The following FIBCD1 variants were observed in gnomAD, a reference collection of about 807,000 sequenced individuals.
The protein encoded by FIBCD1 is fibrinogen C domain containing 1.
FIBCD1 carries 47 observed loss-of-function variants against 45.1 expected under a neutral mutation model. The observed-to-expected ratio is 1.04, with a 90% CI of 0.82 to 1.33. The LOEUF is 1.33. Among genes scored for constraint, FIBCD1 ranks in the 40% most tolerant of loss-of-function variants. The pLI, the probability that FIBCD1 is intolerant of heterozygous loss-of-function variation, is 0.00. For synonymous variants in FIBCD1, 313 were observed against 308.1 expected, an observed-to-expected ratio of 1.02 and a Z score of -0.17; for missense variants, 653 against 682.2, an observed-to-expected ratio of 0.96 and a Z score of 0.48.
At chr9:130,936,532 G>A (rs1832523043) in intron 1 of FIBCD1, among the ~76,000 whole-genome samples, 1 of 152,254 alleles carries the variant, frequency 6.6e-6, no homozygotes, top group African/African-American at 2.4e-5. Flanking sequence ...GGCTGTGTGG[G>A]GGCTGAAAGC....
At chr9:130,923,634 A>G in intron 4 of FIBCD1, 110 bp downstream of exon 4, 1 of 1,478,422 alleles carries the variant, frequency 6.8e-7, no homozygotes, top group Non-Finnish European at 9.1e-7. Context: ...CAGTCCACAG[A>G]TCCATGGTGG....
At chr9:130,921,096 G>GT (rs1832253151) in intron 4 of FIBCD1, among the ~76,000 whole-genome samples, 1 of 152,184 alleles carries the variant, frequency 6.6e-6, no homozygotes, top group Admixed American at 6.5e-5. Context: ...GAACTGTAAA[G>GT]TGGCCCTGGG....
intron 4 of FIBCD1, among the ~76,000 whole-genome samples, chr9:130,918,782 G>C (rs946075393): frequency 6.6e-6 from 1 of 152,216 alleles, no homozygotes; most frequent in Non-Finnish European, 1.5e-5. Flanking sequence ...AGGCAGAGCT[G>C]AGTTCAAATC....
At chr9:130,929,533 C>A in intron 2 of FIBCD1, 34 bp downstream of exon 2, 1 of 1,488,718 alleles carries the variant, frequency 6.7e-7, no homozygotes. Context: ...CCCTCGCCTC[C>A]AGCAAGACCC....
chr9:130,912,392 CAAAAAAAAAAAA>C (rs61490832), intron 4 of FIBCD1, among the ~76,000 whole-genome samples: 19 of 75,716 alleles, frequency 2.5e-4, no homozygotes, highest in Admixed American at 8.9e-4. Context: ...GGCTCTCTCT[CAAAAAAAAAAAA>C]AAAAAAAAAA....
At chr9:130,932,366 T>C (rs1444710317) in intron 1 of FIBCD1, among the ~76,000 whole-genome samples, 1 of 152,114 alleles carries the variant, frequency 6.6e-6, no homozygotes, top group Non-Finnish European at 1.5e-5. Flanking sequence ...GAGAGTTTCT[T>C]GGCCTGTCCC....
intron 5 of FIBCD1, among the ~76,000 whole-genome samples, chr9:130,911,464 C>T (rs1325907758): frequency 6.6e-6 from 1 of 152,218 alleles, no homozygotes; most frequent in African/African-American, 2.4e-5. Flanking sequence ...TGGGATGCTG[C>T]TGACCACCTG....
chr9:130,931,769 T>A (rs1326906752), intron 1 of FIBCD1, among the ~76,000 whole-genome samples: 1 of 152,220 alleles, frequency 6.6e-6, no homozygotes, highest in Non-Finnish European at 1.5e-5. Context: ...AAAGCAGAAC[T>A]GGGATTAGGC....
At position 130,919,224 on chromosome 9, in the gene FIBCD1, C is replaced by G. The variant is rs146541817; in HGVS notation, c.849+4520G>C. 2.8e-3 allele frequency among the ~76,000 whole-genome samples: 420 copies of G among 152,328 alleles called. 2 individuals carry two copies. Among genetic ancestry groups the G allele is most frequent in the South Asian group, 6.0e-3 (29 of 4,818 alleles). On this transcript the variant is annotated intron_variant, in intron 4 of 6. Coordinates refer to ENST00000372338, the MANE Select transcript of FIBCD1 (RefSeq NM_032843.5). Reference sequence around the variant, plus strand: ...CCCACGGAGGCACGCTTTCTTTGCACGATGAACGAAGGAAATGTGAGGGTG... The same window carrying G: ...CCCACGGAGGCACGCTTTCTTTGCAGGATGAACGAAGGAAATGTGAGGGTG...
intron 4 of FIBCD1, among the ~76,000 whole-genome samples, chr9:130,912,752 G>A (rs935603059): frequency 1.3e-5 from 2 of 151,230 alleles, no homozygotes; most frequent in South Asian, 2.1e-4. Context: ...GCCGGCTTTG[G>A]GGGCATCTCC....
chr9:130,923,190 C>A (rs1034323478), intron 4 of FIBCD1, among the ~76,000 whole-genome samples: 1 of 152,212 alleles, frequency 6.6e-6, no homozygotes, highest in East Asian at 1.9e-4. Flanking sequence ...TCTGTGGTCC[C>A]GCCCCTGCCC....
chr9:130,907,333 C>T (rs1052144513), intron 5 of FIBCD1, among the ~76,000 whole-genome samples: 3 of 152,212 alleles, frequency 2.0e-5, no homozygotes, highest in Non-Finnish European at 2.9e-5. Context: ...CTCCCTCCCT[C>T]GCCTCCCTGC....
At chr9:130,914,276 G>A (rs534333079) in intron 4 of FIBCD1, among the ~76,000 whole-genome samples, 3 of 152,282 alleles carry the variant, frequency 2.0e-5, no homozygotes, top group South Asian at 4.1e-4. Flanking sequence ...ATGTTCCACC[G>A]AGCATCTCCT....
Position 130,929,966 on chromosome 9 carries a change from C to A in FIBCD1, c.153G>T (p.Val51=), listed in dbSNP as rs1189416334. Residue 51 remains valine (V), a synonymous_variant, in exon 2 of 7, where the codon GTG becomes GTT. Coordinates refer to ENST00000372338, the MANE Select transcript of FIBCD1 (RefSeq NM_032843.5). ...GCGCGTGGGCGTGGTTCAGGAAGAGCACGGCACCGGTGACAGCTACAGCCA... is the reference window on the plus strand; with the variant it reads ...GCGCGTGGGCGTGGTTCAGGAAGAGAACGGCACCGGTGACAGCTACAGCCA... ...VLLAVAVTGA[V]LFLNHAHAPG... The A allele has an allele frequency of 1.3e-6, 2 of 1,548,330 alleles. No individual in the cohort carries two copies. Among genetic ancestry groups the A allele is most frequent in the African/African-American group, 1.4e-5 (1 of 73,214 alleles).
At chr9:130,911,751 G>A in intron 5 of FIBCD1, 41 bp downstream of exon 5, 2 of 1,546,570 alleles carry the variant, frequency 1.3e-6, no homozygotes, top group South Asian at 1.2e-5. Flanking sequence ...AAGGCAGGGG[G>A]AGGAGGCCCA....
At chr9:130,935,422 C>T (rs542114531) in intron 1 of FIBCD1, among the ~76,000 whole-genome samples, 7 of 152,338 alleles carry the variant, frequency 4.6e-5, no homozygotes, top group East Asian at 3.9e-4. Context: ...GCCCCAAGGG[C>T]GTGAGAGGCT....
chr9:130,934,605 A>G (rs1832491503), intron 1 of FIBCD1, among the ~76,000 whole-genome samples: 1 of 152,150 alleles, frequency 6.6e-6, no homozygotes, highest in African/African-American at 2.4e-5. Flanking sequence ...GATGTTTCCT[A>G]TAAGGGTCTT....
chr9:130,911,747 G>T (rs1202851635), intron 5 of FIBCD1, 45 bp downstream of exon 5: 1 of 1,538,260 alleles, frequency 6.5e-7, no homozygotes, highest in Admixed American at 1.9e-5. Flanking sequence ...CCGGAAGGCA[G>T]GGGGAGGAGG....
Position 130,906,687 on chromosome 9 carries a change from A to G in FIBCD1, c.947-1274T>C, listed in dbSNP as rs142288384. 4.7e-4 allele frequency among the ~76,000 whole-genome samples: 72 copies of G among 152,354 alleles called. 1 individual carries two copies. In the East Asian group the frequency reaches 0.013, roughly 28 times the overall value. ...TGGCGCAGGGCTGATGTGAGGGGCC[A>G]GGAGAGTGTCATACACAAAAGGGCA... is the stretch of plus-strand genomic sequence containing the variant. On this transcript the variant is annotated intron_variant, in intron 5 of 6. Transcript: ENST00000372338.
Sources: allele counts gnomAD v4.1 joint callset (sites outside exome capture counted in the v4.1 genomes callset), GRCh38; gene constraint gnomAD v4.1.1; transcripts MANE v1.5; gene names NCBI Gene and HGNC (gene_info 2026-07-23, HGNC 2026-07-21).